Variants in SLC35E2B observed in about 807,000 individuals in gnomAD.
SLC35E2B encodes the protein solute carrier family 35, member E2B.
In SLC35E2B, 18 loss-of-function variants were observed where a neutral mutation model predicts 32.4. The ratio of observed to expected loss-of-function variants is 0.56; its 90% confidence interval spans 0.38 to 0.82. The LOEUF is 0.82. Ranked by LOEUF, SLC35E2B falls within the 40% of genes least tolerant of loss-of-function variation. The pLI is 0.00. For missense variants in SLC35E2B, 263 were observed against 469.5 expected (o/e 0.56, Z 4.06); for synonymous variants, 132 against 209.1 (o/e 0.63, Z 3.18).
intron 2 of SLC35E2B, among the ~76,000 whole-genome samples, chr1:1,687,847 T>C (rs1643970505): frequency 1.3e-5 from 2 of 151,952 alleles, no homozygotes; most frequent in African/African-American, 2.4e-5. Context: ...GGAACCAAGA[T>C]TGCACCACTG....
intron 5 of SLC35E2B, among the ~76,000 whole-genome samples, chr1:1,674,641 A>G (rs936206262): frequency 2.8e-4 from 42 of 151,336 alleles, no homozygotes; most frequent in African/African-American, 9.9e-4. Context: ...AACAAAAAAA[A>G]AAAAACAAAA....
intron 5 of SLC35E2B, 129 bp from the exon 6 acceptor site, chr1:1,671,758 C>CA: frequency 9.9e-7 from 1 of 1,008,366 alleles, no homozygotes. Flanking sequence ...CAATACTTGT[C>CA]AGTTTCTTCA....
chr1:1,669,402 G>A (rs1470794696), intron 8 of SLC35E2B, among the ~76,000 whole-genome samples: 1 of 151,690 alleles, frequency 6.6e-6, no homozygotes, highest in Non-Finnish European at 1.5e-5. Flanking sequence ...AAGAAATTAA[G>A]CTAACCTAAA....
chr1:1,664,677 T>TG lies in SLC35E2B; in HGVS notation c.*1104dup. 2.4e-6 allele frequency: 2 copies of TG among 825,586 alleles called. No individual in the cohort carries two copies. Among genetic ancestry groups the TG allele is most frequent in the Non-Finnish European group, 2.9e-6 (2 of 690,360 alleles). The allele number at this position is 825,586 out of a possible 1,614,324, so 51.1% of individuals were successfully genotyped here. On this transcript the variant is annotated 3_prime_UTR_variant, in exon 10 of 10. Transcript: ENST00000617444. ...CCCAGTGTGCCGTACTACTGTCCCT[T>TG]GGGGAGAGTGGGACAGGGTGGGCGC...
intron 9 of SLC35E2B, 76 bp downstream of exon 9, chr1:1,668,251 T>C (rs1643592735): frequency 6.6e-7 from 1 of 1,507,946 alleles, no homozygotes; most frequent in East Asian, 2.3e-5. Flanking sequence ...GTGTCCCTTA[T>C]AAAAATACCT....
intron 2 of SLC35E2B, among the ~76,000 whole-genome samples, chr1:1,682,494 C>T (rs542098131): frequency 6.6e-6 from 1 of 152,240 alleles, no homozygotes; most frequent in South Asian, 2.1e-4. Context: ...CCAAACCCAC[C>T]GGAGCGGGGG....
At chr1:1,677,632 C>T (rs1643865098) in intron 2 of SLC35E2B, among the ~76,000 whole-genome samples, 1 of 151,838 alleles carries the variant, frequency 6.6e-6, no homozygotes, top group Non-Finnish European at 1.5e-5. Context: ...CGTCCGCCAC[C>T]ACGTCCGGCT....
rs756791000 is a variant in SLC35E2B at position 1,665,631 on chromosome 1, G to T, written c.*151C>A. ...GAATCCCCAGTTTGAGTTTCTGCTG[G>T]TCTTCACCGACAAACCGAGAAAGCC... On this transcript the variant is annotated 3_prime_UTR_variant, in exon 10 of 10. Coordinates refer to ENST00000617444, the MANE Select transcript of SLC35E2B (RefSeq NM_001290264.2). The T allele has an allele frequency of 8.0e-6, 10 of 1,244,792 alleles. No homozygotes were observed. The highest frequency in any genetic ancestry group is 9.7e-6 in the Non-Finnish European group (9 of 923,954). The allele number at this position is 1,244,792 out of a possible 1,614,324, so 77.1% of individuals were successfully genotyped here. A position where few individuals can be genotyped will look rare whatever the true frequency, so the allele number is the denominator to read the frequency against.
At chr1:1,684,805 A>C (rs1369653899) in intron 2 of SLC35E2B, among the ~76,000 whole-genome samples, 4 of 147,360 alleles carry the variant, frequency 2.7e-5, no homozygotes, top group East Asian at 2.0e-4. Flanking sequence ...AAAAAAAAAA[A>C]AAAAAAAAAC....
Position 1,675,568 on chromosome 1 carries a change from A to G in SLC35E2B, c.481T>C (p.Leu161=). Reference sequence around the variant, plus strand: ...ACCGCCACATTTTTCAGGCTGACCAAACCCAAAACCACAGTTGCAAACCTA... The same window carrying G: ...ACCGCCACATTTTTCAGGCTGACCAGACCCAAAACCACAGTTGCAAACCTA... ...LMRFATVVLG[L]VSLKNVAVSF... The change falls in exon 5 of 10, where the codon TTG becomes CTG. Residue 161 remains leucine, a synonymous_variant. Transcript: ENST00000617444. 1.9e-6 allele frequency: 3 copies of G among 1,579,738 alleles called. No individual in the cohort carries two copies. The highest frequency in any genetic ancestry group is 2.6e-6 in the Non-Finnish European group (3 of 1,165,062).
intron 5 of SLC35E2B, chr1:1,674,237 T>C (rs1041900717): frequency 5.7e-5 from 9 of 158,284 alleles, no homozygotes; most frequent in African/African-American, 1.7e-4. Flanking sequence ...CCAGGTGAAA[T>C]TGTGGGCAGG....
chr1:1,687,974 T>G (rs1643971769), intron 2 of SLC35E2B, among the ~76,000 whole-genome samples: 1 of 152,086 alleles, frequency 6.6e-6, no homozygotes, highest in African/African-American at 2.4e-5. Flanking sequence ...GAAAAATGAC[T>G]GACTCTCGGG....
At chr1:1,677,741 C>G (rs1236350367) in intron 2 of SLC35E2B, among the ~76,000 whole-genome samples, 1 of 151,868 alleles carries the variant, frequency 6.6e-6, no homozygotes, top group Admixed American at 6.6e-5. Context: ...CCACCTCGGC[C>G]TCCTAAAGTT....
At chr1:1,672,563 C>T (rs988163830) in intron 5 of SLC35E2B, 1 of 152,224 alleles carries the variant, frequency 6.6e-6, no homozygotes, top group African/African-American at 2.4e-5. Context: ...AAACTGGAGA[C>T]TGTGAATGCC....
chr1:1,663,924 C>T lies in SLC35E2B; in HGVS notation c.*1858G>A, dbSNP rs1218468646. The T allele has an allele frequency of 3.0e-6, 2 of 657,720 alleles. No homozygotes were observed. Among genetic ancestry groups the T allele is most frequent in the Non-Finnish European group, 3.8e-6 (2 of 526,920 alleles). 40.7% of individuals were successfully genotyped at this position (657,720 alleles called of 1,614,324 possible). Reference sequence around the variant, plus strand: ...GAAGCGGCTGAAGCAGGTGTAGTAGCCCACGCCTATATTCTCGACACTACA... The same window carrying T: ...GAAGCGGCTGAAGCAGGTGTAGTAGTCCACGCCTATATTCTCGACACTACA... On this transcript the variant is annotated 3_prime_UTR_variant, in exon 10 of 10. Transcript: ENST00000617444.
At chr1:1,678,003 C>T (rs910017311) in intron 2 of SLC35E2B, among the ~76,000 whole-genome samples, 3 of 151,742 alleles carry the variant, frequency 2.0e-5, no homozygotes, top group Non-Finnish European at 4.4e-5. Flanking sequence ...TCAGGCAGCC[C>T]GATTTCCTGT....
At position 1,671,133 on chromosome 1, in the gene SLC35E2B, G is replaced by A. The variant is rs115929443; in HGVS notation, c.707+376C>T. The A allele has an allele frequency of 1.8e-3, 290 of 157,834 alleles. 1 individual carries two copies. Among genetic ancestry groups the A allele is most frequent in the African/African-American group, 6.5e-3 (271 of 41,836 alleles). 9.8% of individuals were successfully genotyped at this position (157,834 alleles called of 1,614,324 possible). A position where few individuals can be genotyped will look rare whatever the true frequency, so the allele number is the denominator to read the frequency against. On this transcript the variant is annotated intron_variant, in intron 6 of 9. Transcript: ENST00000617444. Reference sequence around the variant, plus strand: ...CCACAAGGAAGCAGAGGATCCGCCCGACCTGGAGGCCGCGCAGCTCCCAAA... The same window carrying A: ...CCACAAGGAAGCAGAGGATCCGCCCAACCTGGAGGCCGCGCAGCTCCCAAA...
intron 5 of SLC35E2B, among the ~76,000 whole-genome samples, chr1:1,674,847 CG>C (rs1349595721): frequency 2.0e-5 from 3 of 152,120 alleles, no homozygotes; most frequent in Non-Finnish European, 2.9e-5. Context: ...GTGCACCCCC[CG>C]ACTCCGTTCA....
Position 1,668,617 on chromosome 1 carries a change from A to G in SLC35E2B, c.835-145T>C, listed in dbSNP as rs568423968. On this transcript the variant is annotated intron_variant, in intron 8 of 9. Transcript: ENST00000617444. The stretch of plus-strand genomic sequence containing the variant: ...AGCCCTGAAAATGCCTCGAGCGGAC[A>G]GCTGGACTGTGCACTCATCCATTTT... 9 of 1,490,576 alleles carry G rather than the reference A, an allele frequency of 6.0e-6. No homozygotes were observed. The East Asian group carries it at 1.9e-4, about 31-fold the overall frequency. The allele number at this position is 1,490,576 out of a possible 1,614,324, so 92.3% of individuals were successfully genotyped here. A position where few individuals can be genotyped will look rare whatever the true frequency, so the allele number is the denominator to read the frequency against.
Sources: allele counts gnomAD v4.1 joint callset (sites outside exome capture counted in the v4.1 genomes callset), GRCh38; gene constraint gnomAD v4.1.1; transcripts MANE v1.5; gene names NCBI Gene and HGNC (gene_info 2026-07-23, HGNC 2026-07-21).